The following NRXN3 variants were observed in gnomAD, a reference collection of about 807,000 sequenced individuals.
The protein encoded by NRXN3 is neurexin 3, also known as neurexin III.
In NRXN3, 32 loss-of-function variants were observed where a neutral mutation model predicts 137.6. That is an observed-to-expected ratio of 0.23 (90% confidence interval 0.18 to 0.31). The LOEUF is 0.31. Among genes scored for constraint, NRXN3 ranks in the 10% least tolerant of loss-of-function variants. The pLI is 1.00. For missense variants in NRXN3, 1,574 were observed against 2,062.5 expected (o/e 0.76, Z 4.59); for synonymous variants, 798 against 784.5 (o/e 1.02, Z -0.29).
intron 16 of NRXN3, among the ~76,000 whole-genome samples, chr14:79,499,728 A>G (rs528065277): frequency 6.6e-6 from 1 of 152,144 alleles, no homozygotes; most frequent in Non-Finnish European, 1.5e-5. Flanking sequence ...AACCGGTGCA[A>G]TTTTGATCAT....
intron 15 of NRXN3, among the ~76,000 whole-genome samples, chr14:79,234,340 A>ATATT (rs2072977885): frequency 1.0e-5 from 1 of 95,828 alleles, no homozygotes; most frequent in Admixed American, 1.2e-4. Context: ...ATATATATAT[A>ATATT]ATATTTATAT....
chr14:78,393,722 T>C (rs1567460465), intron 4 of NRXN3, among the ~76,000 whole-genome samples: 1 of 152,048 alleles, frequency 6.6e-6, no homozygotes, highest in Admixed American at 6.6e-5. Context: ...ATCTTCACTA[T>C]GTTGGGGTTT....
intron 19 of NRXN3, among the ~76,000 whole-genome samples, chr14:79,737,793 A>G (rs1049832953): frequency 6.6e-6 from 1 of 151,960 alleles, no homozygotes; most frequent in Non-Finnish European, 1.5e-5. Flanking sequence ...CCTGAGCTCA[A>G]GCAGTCCTCC....
chr14:78,394,904 G>A (rs34783487), intron 4 of NRXN3, among the ~76,000 whole-genome samples: 1 of 151,536 alleles, frequency 6.6e-6, no homozygotes, highest in Non-Finnish European at 1.5e-5. Context: ...ATGTTCGGGG[G>A]CTGTAGTGAT....
intron 16 of NRXN3, among the ~76,000 whole-genome samples, chr14:79,512,559 C>T (rs917853105): frequency 2.0e-5 from 3 of 152,148 alleles, no homozygotes; most frequent in African/African-American, 7.2e-5. Flanking sequence ...TAAAATTGCT[C>T]TTTATGGTTC....
chr14:78,860,328 T>A (rs950247380), intron 10 of NRXN3, among the ~76,000 whole-genome samples: 13 of 152,166 alleles, frequency 8.5e-5, no homozygotes, highest in African/African-American at 2.7e-4. Flanking sequence ...TACTAGCTCT[T>A]AGATAGTAAA....
chr14:78,767,904 C>A (rs2098714146), intron 8 of NRXN3, among the ~76,000 whole-genome samples: 1 of 151,916 alleles, frequency 6.6e-6, no homozygotes, highest in Admixed American at 6.6e-5. Flanking sequence ...TCCCTGGGTC[C>A]CTTGAAGTAC....
chr14:79,399,167 A>C (rs1218164419), intron 15 of NRXN3, among the ~76,000 whole-genome samples: 1 of 152,136 alleles, frequency 6.6e-6, no homozygotes, highest in Non-Finnish European at 1.5e-5. Context: ...AAAATCCTTG[A>C]CTTTCCATTT....
intron 4 of NRXN3, among the ~76,000 whole-genome samples, chr14:78,457,381 C>G (rs983397385): frequency 6.6e-6 from 1 of 151,958 alleles, no homozygotes; most frequent in Non-Finnish European, 1.5e-5. Flanking sequence ...GAGTACAGAG[C>G]GAGGATGATG....
intron 19 of NRXN3, among the ~76,000 whole-genome samples, chr14:79,761,039 T>G (rs909758283): frequency 1.3e-5 from 2 of 151,666 alleles, no homozygotes; most frequent in African/African-American, 2.4e-5. Context: ...GAAGTGATCA[T>G]GAGGAAGGGG....
At chr14:78,623,364 A>G (rs2097424281) in intron 4 of NRXN3, among the ~76,000 whole-genome samples, 1 of 152,156 alleles carries the variant, frequency 6.6e-6, no homozygotes, top group African/African-American at 2.4e-5. Flanking sequence ...CGTGTGAAAA[A>G]TTCTTTTTGG....
intron 10 of NRXN3, among the ~76,000 whole-genome samples, chr14:78,915,297 A>G (rs887260425): frequency 6.8e-5 from 10 of 146,184 alleles, no homozygotes; most frequent in African/African-American, 2.5e-4. Flanking sequence ...TTTTATTACT[A>G]TATAAATGAA....
chr14:79,609,806 A>T (rs1329489545), intron 16 of NRXN3, among the ~76,000 whole-genome samples: 1 of 152,224 alleles, frequency 6.6e-6, no homozygotes, highest in Non-Finnish European at 1.5e-5. Context: ...GAGTTTGTAG[A>T]GAGATTTTTT....
At chr14:79,697,965 G>A (rs371530253) in intron 19 of NRXN3, 28 bp downstream of exon 19, 72 of 1,584,056 alleles carry the variant, frequency 4.5e-5, no homozygotes, top group Middle Eastern at 1.7e-4. Flanking sequence ...TATTAATTGC[G>A]TCTGTATTTT....
chr14:79,546,363 C>T (rs1009602412), intron 16 of NRXN3, among the ~76,000 whole-genome samples: 17 of 152,152 alleles, frequency 1.1e-4, no homozygotes, highest in African/African-American at 3.9e-4. Context: ...AATGATGTTA[C>T]TACTTCCTAA....
chr14:78,714,666 C>A, intron 7 of NRXN3, 90 bp from the exon 8 acceptor site: 4 of 1,422,946 alleles, frequency 2.8e-6, no homozygotes, highest in African/African-American at 1.4e-5. Flanking sequence ...CCTGGCCAGC[C>A]AATGGCTGGG....
Position 78,447,904 on chromosome 14 carries a change from C to T in NRXN3, c.757+150044C>T, listed in dbSNP as rs544505401. On this transcript the variant is annotated intron_variant, in intron 4 of 20. Coordinates refer to ENST00000335750, the MANE Select transcript of NRXN3 (RefSeq NM_001330195.2). ...GAAAAGATACAGTTGTAAAAATGGG[C>T]CTTATAAAAATGTACCAGTAGTTGT... Among the ~76,000 whole-genome samples the T allele has an allele frequency of 4.7e-4, 72 of 152,244 alleles. 1 individual carries two copies. The South Asian group carries it at 0.01, about 22-fold the overall frequency.
intron 8 of NRXN3, among the ~76,000 whole-genome samples, chr14:78,749,388 G>C (rs1488432608): frequency 6.6e-6 from 1 of 152,132 alleles, no homozygotes; most frequent in Non-Finnish European, 1.5e-5. Flanking sequence ...CACCTTCAGT[G>C]CCCTTGATCC....
intron 15 of NRXN3, among the ~76,000 whole-genome samples, chr14:79,195,788 T>G (rs2153192829): frequency 1.3e-5 from 2 of 152,314 alleles, no homozygotes; most frequent in East Asian, 3.9e-4. Context: ...CTCCTATAAA[T>G]TCCTTTGGCA....
Sources: allele counts gnomAD v4.1 joint callset (sites outside exome capture counted in the v4.1 genomes callset), GRCh38; gene constraint gnomAD v4.1.1; transcripts MANE v1.5; gene names NCBI Gene and HGNC (gene_info 2026-07-23, HGNC 2026-07-21).